The following C10orf67 variants were observed in gnomAD, a reference collection of about 807,000 sequenced individuals.
C10orf67 encodes uncharacterized protein C10orf67, mitochondrial.
In C10orf67, 60 loss-of-function variants were observed where a neutral mutation model predicts 35.6. That is an observed-to-expected ratio of 1.68 (90% CI 1.37 to 2.09). The LOEUF is 2.09. Ranked by LOEUF, C10orf67 falls within the 30% of genes most tolerant of loss-of-function variation. C10orf67 has a pLI of 0.00. For missense variants in C10orf67, 474 were observed against 330.2 expected (o/e 1.44, Z -3.38); for synonymous variants, 167 against 115.8 (o/e 1.44, Z -2.84).
intron 5 of C10orf67, among the ~76,000 whole-genome samples, chr10:23,296,380 A>G (rs560821689): frequency 7.3e-4 from 111 of 152,276 alleles, no homozygotes; most frequent in Non-Finnish European, 1.4e-3. Context: ...TTGCCTAATT[A>G]GCATTTCAGT....
chr10:23,288,333 G>A (rs1182936600), intron 7 of C10orf67, among the ~76,000 whole-genome samples: 2 of 152,192 alleles, frequency 1.3e-5, no homozygotes, highest in East Asian at 3.8e-4. Flanking sequence ...TATGGATGAA[G>A]CTGGAAGCCA....
At chr10:23,248,899 T>A (rs934621350) in intron 12 of C10orf67, among the ~76,000 whole-genome samples, 1 of 152,072 alleles carries the variant, frequency 6.6e-6, no homozygotes, top group Non-Finnish European at 1.5e-5. Context: ...ACGATTAATA[T>A]GATTGTCAAC....
chr10:23,298,601 G>T (rs1843967657), intron 5 of C10orf67, among the ~76,000 whole-genome samples: 1 of 152,196 alleles, frequency 6.6e-6, no homozygotes, highest in African/African-American at 2.4e-5. Context: ...GGCAGTTCCT[G>T]TTATGCCAAG....
chr10:23,344,149 G>T (rs562633792), intron 1 of C10orf67: 4 of 154,500 alleles, frequency 2.6e-5, no homozygotes, highest in African/African-American at 1.0e-4. Context: ...CGAGTGGAGG[G>T]GGGTGGGGAA....
intron 5 of C10orf67, among the ~76,000 whole-genome samples, chr10:23,292,673 A>C (rs1306854069): frequency 6.6e-6 from 1 of 152,202 alleles, no homozygotes; most frequent in Non-Finnish European, 1.5e-5. Flanking sequence ...TAGTACATTA[A>C]TAAGTCCTTT....
At chr10:23,285,349 A>G (rs1025610186) in intron 7 of C10orf67, among the ~76,000 whole-genome samples, 1 of 149,384 alleles carries the variant, frequency 6.7e-6, no homozygotes, top group Non-Finnish European at 1.5e-5. Flanking sequence ...ACTCTGCTAT[A>G]CTATATTATA....
At chr10:23,295,484 T>G (rs1843855562) in intron 5 of C10orf67, among the ~76,000 whole-genome samples, 1 of 152,224 alleles carries the variant, frequency 6.6e-6, no homozygotes, top group Non-Finnish European at 1.5e-5. Context: ...GCCATAAGGA[T>G]TTGTGCATTT....
intron 4 of C10orf67, among the ~76,000 whole-genome samples, chr10:23,308,044 T>C (rs906651123): frequency 4.6e-5 from 7 of 152,224 alleles, no homozygotes; most frequent in Admixed American, 6.5e-5. Flanking sequence ...GGCCCTTAAG[T>C]GTTACTAGGC....
At chr10:23,227,110 T>C (rs1376585651) in intron 13 of C10orf67, among the ~76,000 whole-genome samples, 1 of 152,204 alleles carries the variant, frequency 6.6e-6, no homozygotes, top group Non-Finnish European at 1.5e-5. Flanking sequence ...ATCATCCTGA[T>C]ACCAAAGCCT....
chr10:23,269,376 C>G (rs1842961888), intron 8 of C10orf67, among the ~76,000 whole-genome samples: 1 of 152,124 alleles, frequency 6.6e-6, no homozygotes, highest in African/African-American at 2.4e-5. Context: ...ATTACAATCA[C>G]TAGAGCGCCT....
chr10:23,268,297 G>GA (rs1003508565), intron 8 of C10orf67, among the ~76,000 whole-genome samples: 11 of 151,758 alleles, frequency 7.2e-5, no homozygotes, highest in Admixed American at 3.3e-4. Context: ...CCTGACTTCA[G>GA]AAAAAAAATC....
At chr10:23,217,162 T>C (rs1176487821) in intron 15 of C10orf67, among the ~76,000 whole-genome samples, 2 of 152,214 alleles carry the variant, frequency 1.3e-5, no homozygotes, top group African/African-American at 4.8e-5. Flanking sequence ...TATTTGAAGA[T>C]GGGCAACTTT....
chr10:23,319,636 C>T (rs374892096), intron 4 of C10orf67, among the ~76,000 whole-genome samples: 2 of 152,210 alleles, frequency 1.3e-5, no homozygotes, highest in African/African-American at 4.8e-5. Context: ...AGTGTATAAG[C>T]AAGTGTTCCC....
intron 15 of C10orf67, among the ~76,000 whole-genome samples, chr10:23,211,736 CT>C (rs1399023090): frequency 1.3e-5 from 2 of 152,044 alleles, no homozygotes; most frequent in Non-Finnish European, 2.9e-5. Flanking sequence ...ATGAAGTGTC[CT>C]TTATCCAGAA....
intron 12 of C10orf67, among the ~76,000 whole-genome samples, chr10:23,248,024 C>T (rs2132152922): frequency 6.6e-6 from 1 of 152,282 alleles, no homozygotes; most frequent in South Asian, 2.1e-4. Context: ...CTGATGTTTG[C>T]AGTCTCTCTG....
At chr10:23,280,406 A>G (rs1843334268) in intron 8 of C10orf67, among the ~76,000 whole-genome samples, 1 of 152,222 alleles carries the variant, frequency 6.6e-6, no homozygotes, top group South Asian at 2.1e-4. Context: ...AAACAAAGGA[A>G]GCACAAAATA....
intron 15 of C10orf67, among the ~76,000 whole-genome samples, chr10:23,213,226 T>A (rs188414595): frequency 2.1e-3 from 315 of 152,130 alleles, no homozygotes; most frequent in Non-Finnish European, 3.4e-3. Context: ...AATTAGAAAA[T>A]GTAGATTGGA....
intron 13 of C10orf67, among the ~76,000 whole-genome samples, chr10:23,238,357 A>T (rs536491137): frequency 1.3e-5 from 2 of 152,144 alleles, no homozygotes; most frequent in Non-Finnish European, 1.5e-5. Flanking sequence ...TGAGTATCTC[A>T]TGTGTCAACA....
intron 1 of C10orf67, among the ~76,000 whole-genome samples, chr10:23,333,464 C>G (rs908679833): frequency 3.9e-5 from 6 of 152,244 alleles, no homozygotes; most frequent in Admixed American, 6.5e-5. Flanking sequence ...ATCTTCCATA[C>G]TGTTATTGCC....
Sources: gnomAD v4.1 joint callset for allele counts (sites outside exome capture counted in the v4.1 genomes callset) on GRCh38, gnomAD v4.1.1 for gene constraint, MANE v1.5 for transcripts, NCBI Gene and HGNC (gene_info 2026-07-23, HGNC 2026-07-21) for gene names.